Variants in PDE1A observed in about 807,000 individuals in gnomAD.
PDE1A encodes the protein dual specificity calcium/calmodulin-dependent 3',5'-cyclic nucleotide phosphodiesterase 1A.
Under a neutral mutation model 61.7 loss-of-function variants are expected in PDE1A, and 35 were observed. That is an observed-to-expected ratio of 0.57 (90% CI 0.43 to 0.75). The LOEUF is 0.75. Among genes scored for constraint, PDE1A ranks in the 30% least tolerant of loss-of-function variants. The pLI is 0.00. For synonymous variants in PDE1A, 232 were observed against 213.2 expected (o/e 1.09, Z -0.77); for missense variants, 597 against 630.6 (o/e 0.95, Z 0.57).
At chr2:182,212,961 G>A (rs1574722288) in intron 7 of PDE1A, among the ~76,000 whole-genome samples, 1 of 150,752 alleles carries the variant, frequency 6.6e-6, no homozygotes, top group East Asian at 2.0e-4. Context: ...ACCTCTGGGG[G>A]CAGGGCACAG....
At chr2:182,192,595 A>G (rs182831132) in intron 10 of PDE1A, among the ~76,000 whole-genome samples, 44 of 152,262 alleles carry the variant, frequency 2.9e-4, no homozygotes, top group African/African-American at 1.0e-3. Flanking sequence ...GGTCATCGCA[A>G]TAAGCATTGT....
Position 182,450,419 on chromosome 2 carries a change from T to C in PDE1A, c.101+71857A>G, listed in dbSNP as rs80136761. ...ATAGAATTCAGGGCTGGCCAATTTA[T>C]GACTCCACCTCATGTCATGTGCCTC... On this transcript the variant is annotated intron_variant, in intron 2 of 14. Transcript: ENST00000410103. Among the ~76,000 whole-genome samples, 1,443 of 152,230 alleles carry C rather than the reference T, an allele frequency of 9.5e-3. 20 individuals carry two copies. The highest frequency in any genetic ancestry group is 0.033 in the African/African-American group (1,357 of 41,546).
At position 182,228,755 on chromosome 2, in the gene PDE1A, G is replaced by A. The variant is rs117748634; in HGVS notation, c.675+1251C>T. Among the ~76,000 whole-genome samples the A allele has an allele frequency of 4.7e-4, 72 of 152,096 alleles. 1 individual carries two copies. In the East Asian group the frequency reaches 0.014, roughly 29 times the overall value. On this transcript the variant is annotated intron_variant, in intron 6 of 13. Transcript: ENST00000351439. ...TTCTCATTATTCTCTTTAGTTCAAA[G>A]GTATTTTCTTGGTTCTGGAAAACAC...
intron 2 of PDE1A, among the ~76,000 whole-genome samples, chr2:182,263,548 C>T (rs1230214368): frequency 3.3e-5 from 5 of 152,142 alleles, no homozygotes; most frequent in African/African-American, 4.8e-5. Flanking sequence ...GCTGGAAATG[C>T]ATGCCTCTCT....
At chr2:182,694,833 G>T in the PDE1A span, among the ~76,000 whole-genome samples, 1 of 101,820 alleles carries the variant, frequency 9.8e-6, no homozygotes, top group Non-Finnish European at 2.4e-5. Flanking sequence ...GGTGGGGGGG[G>T]GGCAACAGTT....
At chr2:182,181,652 A>G (rs573035247) in intron 13 of PDE1A, among the ~76,000 whole-genome samples, 1 of 152,286 alleles carries the variant, frequency 6.6e-6, no homozygotes, top group African/African-American at 2.4e-5. Context: ...GAAAGATTAA[A>G]TCCGCTGACC....
intron 10 of PDE1A, 84 bp downstream of exon 10, chr2:182,201,355 C>A (rs1249046668): frequency 8.0e-6 from 12 of 1,506,092 alleles, no homozygotes; most frequent in African/African-American, 1.4e-5. Context: ...AGTCACAAGC[C>A]CTGGATTCCA....
At chr2:182,299,888 C>A (rs570153893) in intron 1 of PDE1A, among the ~76,000 whole-genome samples, 21 of 152,198 alleles carry the variant, frequency 1.4e-4, no homozygotes, top group Non-Finnish European at 2.5e-4. Context: ...AAAGTCACAC[C>A]GGTGCATTGT....
intron 2 of PDE1A, among the ~76,000 whole-genome samples, chr2:182,452,679 G>T (rs1685609956): frequency 6.6e-6 from 1 of 152,080 alleles, no homozygotes; most frequent in Non-Finnish European, 1.5e-5. Flanking sequence ...AGCAAAAAAG[G>T]TGACAACTTG....
the PDE1A span, among the ~76,000 whole-genome samples, chr2:182,560,596 G>A: frequency 6.6e-6 from 1 of 152,030 alleles, no homozygotes; most frequent in African/African-American, 2.4e-5. Flanking sequence ...GGATGGCTGG[G>A]TCAAATGGTA....
chr2:182,601,216 G>A, the PDE1A span, among the ~76,000 whole-genome samples: 1 of 152,180 alleles, frequency 6.6e-6, no homozygotes, highest in Non-Finnish European at 1.5e-5. Context: ...GTGAGTGTAG[G>A]GTCCGGCCAC....
At chr2:182,168,293 G>GAAAAA (rs78156757) in intron 13 of PDE1A, 1 of 1,313,918 alleles carries the variant, frequency 7.6e-7, no homozygotes, top group East Asian at 2.6e-5. Context: ...TCTTGCTTCT[G>GAAAAA]AAAAAAAAAA....
At chr2:182,161,854 G>A (rs1340400776) in intron 13 of PDE1A, among the ~76,000 whole-genome samples, 1 of 152,134 alleles carries the variant, frequency 6.6e-6, no homozygotes, top group Non-Finnish European at 1.5e-5. Flanking sequence ...CATATATTCT[G>A]CATTTAATAT....
At chr2:182,386,925 A>G (rs1701140558) in intron 1 of PDE1A, among the ~76,000 whole-genome samples, 1 of 152,256 alleles carries the variant, frequency 6.6e-6, no homozygotes, top group Non-Finnish European at 1.5e-5. Context: ...GGCGCACCCA[A>G]CAGCTCACTG....
intron 2 of PDE1A, among the ~76,000 whole-genome samples, chr2:182,451,765 A>G (rs1685539739): frequency 6.6e-6 from 1 of 152,100 alleles, no homozygotes; most frequent in Non-Finnish European, 1.5e-5. Context: ...AGAGTTGTGC[A>G]GTACCGCTTC....
chr2:182,623,729 A>T, the PDE1A span, among the ~76,000 whole-genome samples: 1 of 152,224 alleles, frequency 6.6e-6, no homozygotes, highest in Non-Finnish European at 1.5e-5. Flanking sequence ...TTCTGCCCAT[A>T]GGCTACAGCC....
At chr2:182,240,231 C>A in exon 3 of PDE1A, 1 of 1,613,420 alleles carries the variant, frequency 6.2e-7, no homozygotes, top group Non-Finnish European at 8.5e-7. Context: ...CAGTCCCGGA[C>A]TTCAGATGGG....
intron 1 of PDE1A, among the ~76,000 whole-genome samples, chr2:182,423,655 AT>A (rs1404534595): frequency 6.6e-6 from 1 of 152,060 alleles, no homozygotes; most frequent in Admixed American, 6.6e-5. Flanking sequence ...TTCCATTTCA[AT>A]CTCCCAGGAT....
At chr2:182,184,065 G>T (rs1685007591) in intron 13 of PDE1A, among the ~76,000 whole-genome samples, 1 of 149,640 alleles carries the variant, frequency 6.7e-6, no homozygotes, top group Non-Finnish European at 1.5e-5. Flanking sequence ...AACAATTAAA[G>T]AAATTGACAG....
Sources: gnomAD v4.1 joint callset for allele counts (sites outside exome capture counted in the v4.1 genomes callset) on GRCh38, gnomAD v4.1.1 for gene constraint, MANE v1.5 for transcripts, NCBI Gene and HGNC (gene_info 2026-07-23, HGNC 2026-07-21) for gene names.